Variants in NCK2 observed in about 807,000 individuals in gnomAD.
NCK2 encodes NCK adaptor protein 2.
In NCK2, 16 loss-of-function variants were observed where a neutral mutation model predicts 33.9. The ratio of observed to expected loss-of-function variants is 0.47; its 90% CI spans 0.32 to 0.72. The LOEUF (loss-of-function observed/expected upper bound fraction) is 0.72. NCK2 is among the 30% of genes least tolerant of loss of function. NCK2 has a pLI of 0.03. For synonymous variants in NCK2, 273 were observed against 239.9 expected (o/e 1.14, Z -1.27); for missense variants, 418 against 537.3 (o/e 0.78, Z 2.19).
intron 2 of NCK2, among the ~76,000 whole-genome samples, chr2:105,836,344 G>A (rs991108704): frequency 2.0e-4 from 31 of 152,190 alleles, no homozygotes; most frequent in Middle Eastern, 3.4e-3. Flanking sequence ...CTGGGTGAGC[G>A]TAAAAGTGTA....
chr2:105,806,175 TTG>T (rs1270531525), intron 1 of NCK2, among the ~76,000 whole-genome samples: 1 of 152,102 alleles, frequency 6.6e-6, no homozygotes, highest in East Asian at 1.9e-4. Flanking sequence ...ATGCTCAGCC[TTG>T]TATATGTATG....
At chr2:105,796,681 G>A (rs747147634) in intron 1 of NCK2, among the ~76,000 whole-genome samples, 8 of 152,182 alleles carry the variant, frequency 5.3e-5, no homozygotes, top group South Asian at 2.1e-4. Context: ...AGAAGCTCTC[G>A]GCATCATGTT....
chr2:105,870,742 C>A (rs895319842), intron 3 of NCK2, among the ~76,000 whole-genome samples: 2 of 147,694 alleles, frequency 1.4e-5, no homozygotes, highest in African/African-American at 4.9e-5. Context: ...CACAGTGAGA[C>A]CCTGTCTCAA....
chr2:105,806,469 C>G (rs1675047574), intron 1 of NCK2, among the ~76,000 whole-genome samples: 1 of 152,188 alleles, frequency 6.6e-6, no homozygotes, highest in Non-Finnish European at 1.5e-5. Context: ...GATCTCTTGA[C>G]CTCGTGATCC....
At chr2:105,882,662 C>A (rs1678554889) in intron 4 of NCK2, among the ~76,000 whole-genome samples, 1 of 152,064 alleles carries the variant, frequency 6.6e-6, no homozygotes, top group African/African-American at 2.4e-5. Context: ...GGCCACTCGA[C>A]TGGGGCAGCA....
At chr2:105,848,060 TCCCC>T in intron 2 of NCK2, among the ~76,000 whole-genome samples, 1 of 152,202 alleles carries the variant, frequency 6.6e-6, no homozygotes, top group African/African-American at 2.4e-5. Context: ...CGTTTTTGAG[TCCCC>T]GTGAACCTTA....
intron 1 of NCK2, among the ~76,000 whole-genome samples, chr2:105,750,068 A>AC (rs1553449505): frequency 6.5e-4 from 98 of 151,288 alleles, no homozygotes; most frequent in African/African-American, 1.6e-3. Flanking sequence ...ACACACACAC[A>AC]AAACAACAAC....
chr2:105,768,833 T>C (rs12712217), intron 1 of NCK2, among the ~76,000 whole-genome samples: 150,467 of 152,298 alleles, frequency 0.99, 74,338 homozygotes, highest in Middle Eastern at 1. Flanking sequence ...AAGTGACACA[T>C]GGGACGAGGG....
chr2:105,825,936 A>G (rs1012468537), intron 2 of NCK2, among the ~76,000 whole-genome samples: 1 of 152,140 alleles, frequency 6.6e-6, no homozygotes, highest in South Asian at 2.1e-4. Context: ...TTAGATCTTG[A>G]TGGAGATTCT....
At chr2:105,747,075 C>G (rs760902739) in intron 1 of NCK2, among the ~76,000 whole-genome samples, 1 of 152,138 alleles carries the variant, frequency 6.6e-6, no homozygotes, top group Non-Finnish European at 1.5e-5. Context: ...CCCTGTTAAC[C>G]GTCGGGCTTG....
At chr2:105,864,122 G>A (rs934117891) in intron 3 of NCK2, among the ~76,000 whole-genome samples, 6 of 152,096 alleles carry the variant, frequency 3.9e-5, no homozygotes, top group Non-Finnish European at 7.4e-5. Flanking sequence ...ATGCCACACC[G>A]TAAAGGCCCT....
At chr2:105,790,507 TACCTC>T (rs549080792) in intron 1 of NCK2, among the ~76,000 whole-genome samples, 177 of 152,332 alleles carry the variant, frequency 1.2e-3, no homozygotes, top group African/African-American at 4.1e-3. Context: ...CATTTCTTGT[TACCTC>T]ACCCACTGAG....
chr2:105,805,454 TAATA>T (rs1266081778), intron 1 of NCK2, among the ~76,000 whole-genome samples: 1 of 152,228 alleles, frequency 6.6e-6, no homozygotes, highest in Non-Finnish European at 1.5e-5. Flanking sequence ...ATTGGAATAA[TAATA>T]AATTTGTTTT....
At chr2:105,814,391 T>C (rs1403636904) in intron 1 of NCK2, among the ~76,000 whole-genome samples, 1 of 152,222 alleles carries the variant, frequency 6.6e-6, no homozygotes, top group Non-Finnish European at 1.5e-5. Flanking sequence ...AGCCTCACTT[T>C]TGTTGGAGCT....
chr2:105,842,626 A>C (rs1163814431), intron 2 of NCK2, among the ~76,000 whole-genome samples: 1 of 152,116 alleles, frequency 6.6e-6, no homozygotes, highest in African/African-American at 2.4e-5. Context: ...AGATCTCTCT[A>C]AGTGCTCTTG....
intron 2 of NCK2, among the ~76,000 whole-genome samples, chr2:105,822,141 CT>C (rs1161157059): frequency 2.7e-5 from 4 of 148,182 alleles, no homozygotes; most frequent in African/African-American, 1.0e-4. Context: ...TTTTTCTCCC[CT>C]AGAAAAATCT....
chr2:105,751,252 C>T (rs562868129), intron 1 of NCK2, among the ~76,000 whole-genome samples: 224 of 152,346 alleles, frequency 1.5e-3, no homozygotes, highest in Non-Finnish European at 2.5e-3. Flanking sequence ...TGAATTCTCC[C>T]TCAGCTCCCA....
chr2:105,874,563 T>G (rs960257764), intron 3 of NCK2, among the ~76,000 whole-genome samples: 1 of 152,248 alleles, frequency 6.6e-6, no homozygotes, highest in South Asian at 2.1e-4. Context: ...AAAAATTAAA[T>G]GATTTTGCCA....
At chr2:105,880,077 T>A (rs1313104661) in intron 3 of NCK2, among the ~76,000 whole-genome samples, 1 of 152,212 alleles carries the variant, frequency 6.6e-6, no homozygotes, top group African/African-American at 2.4e-5. Context: ...TCCGTGCATT[T>A]TAACACAGTT....
Sources: gnomAD v4.1 joint callset for allele counts (sites outside exome capture counted in the v4.1 genomes callset) on GRCh38, gnomAD v4.1.1 for gene constraint, MANE v1.5 for transcripts, NCBI Gene and HGNC (gene_info 2026-07-23, HGNC 2026-07-21) for gene names.